The following NADSYN1 variants were observed in gnomAD, a reference collection of about 807,000 sequenced individuals.
NADSYN1 encodes the protein NAD synthetase 1, also known as glutamine-dependent NAD(+) synthetase.
Under a neutral mutation model 99.3 loss-of-function variants are expected in NADSYN1, and 80 were observed. That is an observed-to-expected ratio of 0.81 (90% CI 0.67 to 0.97). NADSYN1 has a LOEUF of 0.97. NADSYN1 is among the 50% of genes least tolerant of loss of function. The pLI is 0.00. For missense variants in NADSYN1, 859 were observed against 948.5 expected, an observed-to-expected ratio of 0.91 and a Z score of 1.24; for synonymous variants, 385 against 372.1, an observed-to-expected ratio of 1.03 and a Z score of -0.40.
chr11:71,466,145 A>C (rs1337828433), intron 5 of NADSYN1, among the ~76,000 whole-genome samples: 1 of 152,210 alleles, frequency 6.6e-6, no homozygotes, highest in Non-Finnish European at 1.5e-5. Flanking sequence ...GGTTTTTAAA[A>C]ATTGAGAATG....
At chr11:71,477,244 G>C in intron 9 of NADSYN1, 2 of 1,215,542 alleles carry the variant, frequency 1.6e-6, no homozygotes, top group Non-Finnish European at 2.1e-6. Flanking sequence ...CCTAGCCTCG[G>C]GGAGAGTGGG....
chr11:71,481,248 C>T (rs1208280017), intron 11 of NADSYN1, 108 bp from the exon 12 acceptor site: 1 of 1,123,062 alleles, frequency 8.9e-7, no homozygotes. Context: ...CCTGAGAGCC[C>T]AGCGTTGACT....
At position 71,464,036 on chromosome 11, in the gene NADSYN1, T is replaced by C. The variant is rs1375151552; in HGVS notation, c.318-17T>C. The C allele has an allele frequency of 3.7e-6, 6 of 1,600,880 alleles. No individual in the cohort carries two copies. Among genetic ancestry groups the C allele is most frequent in the African/African-American group, 1.3e-5 (1 of 74,746 alleles). On this transcript the variant is annotated splice_polypyrimidine_tract_variant and intron_variant, in intron 4 of 20. Transcript: ENST00000319023. ...CTCAGGAGCCCGGTGTGCACAGCCC[T>C]GTTCCCCTGTCTGCAGGAAGATCCT...
At position 71,464,142 on chromosome 11, in the gene NADSYN1, G is replaced by A. The variant is rs756056508; in HGVS notation, c.407G>A (p.Arg136Gln). 28 of 1,602,656 alleles carry A rather than the reference G, an allele frequency of 1.7e-5. No individual in the cohort carries two copies. The highest frequency in any genetic ancestry group is 9.0e-5 in the South Asian group (8 of 89,084). Residue 136 changes from arginine to glutamine, a missense_variant and splice_region_variant, in exon 5 of 21, where the codon CGG (arginine) becomes CAG (glutamine). Coordinates refer to ENST00000319023, the MANE Select transcript of NADSYN1 (RefSeq NM_018161.5). ...TGGTTCACCCCGTGGTCGAGGAGTCGGTGAGTCGGGTGCCTGACCACTCCT... is the reference window on the plus strand; with the variant it reads ...TGGTTCACCCCGTGGTCGAGGAGTCAGTGAGTCGGGTGCCTGACCACTCCT... Reference protein sequence around the residue: ...LRWFTPWSRSRHTEEYFLPRM... With the variant: ...LRWFTPWSRSQHTEEYFLPRM...
rs1231754907 is a variant in NADSYN1, at chr11:71,482,600, G to A, written c.1151-249G>A. ...GCATGGGCACCTGGGGGTGTAGACC[G>A]GGGTGGAGTCACACGGGCACCTGGG... On this transcript the variant is annotated intron_variant, in intron 13 of 20. Coordinates refer to ENST00000319023, the MANE Select transcript of NADSYN1 (RefSeq NM_018161.5). 4.1e-5 allele frequency: 18 copies of A among 441,894 alleles called. 1 individual carries two copies. The highest frequency in any genetic ancestry group is 2.1e-4 in the African/African-American group (10 of 47,556). 27.4% of individuals were successfully genotyped at this position (441,894 alleles called of 1,614,324 possible). A position where few individuals can be genotyped will look rare whatever the true frequency, so the allele number is the denominator to read the frequency against.
intron 2 of NADSYN1, chr11:71,455,468 T>G (rs900887337): frequency 7.8e-5 from 30 of 382,496 alleles, no homozygotes; most frequent in African/African-American, 5.3e-4. Flanking sequence ...GTCTGAATGT[T>G]TGCGTCCCCA....
rs3819215 is a variant in NADSYN1 at position 71,474,536 on chromosome 11, G to T, written c.798+10G>T. The T allele has an allele frequency of 6.2e-7, 1 of 1,613,938 alleles. No individual in the cohort carries two copies. The highest frequency in any genetic ancestry group is 1.3e-5 in the African/African-American group (1 of 74,924). ...TTCTCTGGATGACGTGGTAATGAGC[G>T]GGCCTGGACATGCCTGGGGGAGGGT... On this transcript the variant is annotated intron_variant, in intron 9 of 20. Transcript: ENST00000319023.
intron 9 of NADSYN1, among the ~76,000 whole-genome samples, chr11:71,477,782 A>G (rs1949679165): frequency 1.3e-5 from 2 of 152,140 alleles, no homozygotes; most frequent in South Asian, 4.1e-4. Context: ...CCCCAGCTCC[A>G]TCCTCCTTTG....
intron 3 of NADSYN1, among the ~76,000 whole-genome samples, chr11:71,462,088 C>T (rs1002722031): frequency 6.6e-6 from 1 of 152,112 alleles, no homozygotes; most frequent in Admixed American, 6.5e-5. Context: ...TTGAATGAAC[C>T]GCTTCTCTCA....
chr11:71,472,034 A>G (rs1322539616), intron 5 of NADSYN1, among the ~76,000 whole-genome samples: 1 of 152,124 alleles, frequency 6.6e-6, no homozygotes, highest in East Asian at 1.9e-4. Flanking sequence ...TATTCCAGGG[A>G]TGATACTGGT....
In NADSYN1 at chr11:71,472,376, G is replaced by C. The variant is rs113118398; in HGVS notation, c.408-73G>C. 149 of 1,299,906 alleles carry C rather than the reference G, an allele frequency of 1.1e-4. 1 individual carries two copies. In the African/African-American group the frequency reaches 1.9e-3, roughly 16 times the overall value. The allele number at this position is 1,299,906 out of a possible 1,614,324, so 80.5% of individuals were successfully genotyped here. On this transcript the variant is annotated intron_variant, in intron 5 of 20. Coordinates refer to ENST00000319023, the MANE Select transcript of NADSYN1 (RefSeq NM_018161.5). ...GTTCGGAGGGTTCAGTTTGAGTTTT[G>C]TTTAAATGTAGCCGCCATTCCTCAT...
rs560063119 is a variant in NADSYN1 at position 71,501,585 on chromosome 11, G to A, written c.*233G>A. 1.9e-5 allele frequency: 10 copies of A among 533,804 alleles called. No individual in the cohort carries two copies. The highest frequency in any genetic ancestry group is 5.1e-5 in the South Asian group (2 of 39,228). The allele number at this position is 533,804 out of a possible 1,614,324, so 33.1% of individuals were successfully genotyped here. A position where few individuals can be genotyped will look rare whatever the true frequency, so the allele number is the denominator to read the frequency against. On this transcript the variant is annotated 3_prime_UTR_variant, in exon 21 of 21. Coordinates refer to ENST00000319023, the MANE Select transcript of NADSYN1 (RefSeq NM_018161.5). Reference sequence around the variant, plus strand: ...TGATTTTGACCTCCCGCCAGCGTGCGCTTCCCCGCGAAGTCTGGCATTCTC... The same window carrying A: ...TGATTTTGACCTCCCGCCAGCGTGCACTTCCCCGCGAAGTCTGGCATTCTC...
intron 3 of NADSYN1, among the ~76,000 whole-genome samples, chr11:71,459,337 G>A (rs1190903058): frequency 6.8e-6 from 1 of 147,128 alleles, no homozygotes; most frequent in African/African-American, 2.5e-5. Flanking sequence ...CTGCATAGCC[G>A]GTCCCCTATG....
intron 2 of NADSYN1, among the ~76,000 whole-genome samples, chr11:71,456,777 A>G (rs1408351107): frequency 1.3e-5 from 2 of 152,220 alleles, no homozygotes; most frequent in African/African-American, 4.8e-5. Flanking sequence ...GTCTCCAAGT[A>G]GCTTACAACC....
intron 9 of NADSYN1, chr11:71,476,868 A>G: frequency 2.0e-6 from 2 of 986,846 alleles, no homozygotes; most frequent in Non-Finnish European, 2.4e-6. Flanking sequence ...TTTAGTGAGC[A>G]CCAGGCAGTT....
At chr11:71,459,206 G>T (rs150178632) in intron 3 of NADSYN1, 122 of 164,892 alleles carry the variant, frequency 7.4e-4, no homozygotes, top group Non-Finnish European at 1.3e-3. Flanking sequence ...TGCTGTGCTG[G>T]TGTCTGTGCG....
At chr11:71,467,284 C>A (rs776699266) in intron 5 of NADSYN1, among the ~76,000 whole-genome samples, 14 of 152,198 alleles carry the variant, frequency 9.2e-5, no homozygotes, top group Non-Finnish European at 1.8e-4. Context: ...ACTGTAGCAC[C>A]CGCAGGCGCT....
At position 71,490,915 on chromosome 11, in the gene NADSYN1, A is replaced by T. The variant is rs746258644; in HGVS notation, c.1633A>T (p.Thr545Ser). ...CAACCCCATAGGCGGGATCAGCAAG[A>T]CGGACCTCAGGGCCTTCGTCCAGTT... ...DINPIGGISK[T>S]DLRAFVQFCI... The change falls in exon 17 of 21, where the codon ACG becomes TCG. Residue 545 changes from threonine (T) to serine (S), a missense_variant. Coordinates refer to ENST00000319023, the MANE Select transcript of NADSYN1 (RefSeq NM_018161.5). 6.2e-7 allele frequency: 1 copy of T among 1,614,212 alleles called. No individual in the cohort carries two copies. Among genetic ancestry groups the T allele is most frequent in the East Asian group, 2.2e-5 (1 of 44,886 alleles).
chr11:71,489,251 T>A (rs963881427), intron 16 of NADSYN1, among the ~76,000 whole-genome samples: 2 of 151,752 alleles, frequency 1.3e-5, no homozygotes, highest in Non-Finnish European at 2.9e-5. Flanking sequence ...TCGGTGGTCC[T>A]GTATTGAAAT....
Sources: allele counts gnomAD v4.1 joint callset (sites outside exome capture counted in the v4.1 genomes callset), GRCh38; gene constraint gnomAD v4.1.1; transcripts MANE v1.5; gene names NCBI Gene and HGNC (gene_info 2026-07-23, HGNC 2026-07-21).